Variants in HTT observed in about 807,000 individuals in gnomAD.
The protein encoded by HTT is huntington disease protein.
HTT carries 104 observed loss-of-function variants against 362.3 expected under a neutral mutation model. The ratio of observed to expected loss-of-function variants is 0.29; its 90% CI spans 0.24 to 0.34. The LOEUF (loss-of-function observed/expected upper bound fraction) is 0.34, where lower values mean the gene tolerates loss of function less well. Among genes scored for constraint, HTT ranks in the 10% least tolerant of loss-of-function variants. The pLI is 1.00. For missense variants in HTT, 3,301 were observed against 3,928.6 expected (o/e 0.84, Z 4.27); for synonymous variants, 1,577 against 1,548.7 (o/e 1.02, Z -0.43).
chr4:3,184,298 A>G (rs894172265), intron 37 of HTT, among the ~76,000 whole-genome samples: 3 of 151,946 alleles, frequency 2.0e-5, no homozygotes, highest in African/African-American at 4.8e-5. Flanking sequence ...GGTACAAGCA[A>G]TGAGGGTGGA....
In HTT at chr4:3,116,201, G is replaced by A. The variant is rs2110172510; in HGVS notation, c.1006G>A (p.Gly336Ser). The A allele has an allele frequency of 1.2e-6, 2 of 1,614,126 alleles. No homozygotes were observed. Among genetic ancestry groups the A allele is most frequent in the East Asian group, 2.2e-5 (1 of 44,878 alleles). Residue 336 changes from glycine to serine, a missense_variant, in exon 8 of 67, where the codon GGC (glycine) becomes AGC (serine). Coordinates refer to ENST00000355072, the MANE Select transcript of HTT (RefSeq NM_001388492.1). ...GCAGGTCAAGGACACAAGCCTGAAA[G>A]GCAGCTTCGGAGTGACAAGGAAAGA... ...QQQVKDTSLK[G>S]SFGVTRKEME...
intron 59 of HTT, among the ~76,000 whole-genome samples, chr4:3,229,599 A>C (rs1252521898): frequency 6.7e-6 from 1 of 149,408 alleles, no homozygotes; most frequent in Non-Finnish European, 1.5e-5. Flanking sequence ...CACACCCCAC[A>C]CCACACACAC....
chr4:3,150,698 G>A (rs991601933), intron 26 of HTT, among the ~76,000 whole-genome samples: 1 of 152,180 alleles, frequency 6.6e-6, no homozygotes, highest in African/African-American at 2.4e-5. Context: ...ACATGTACAT[G>A]CACATATACA....
chr4:3,239,954 C>A lies in HTT; in HGVS notation c.9324C>A (p.Asp3108Glu). ...FYRHQIEEEL[D>E]RRAFQSVLEV... ...GACACCAGATAGAGGAGGAGCTCGA[C>A]CGCAGGGCCTTCCAGTCTGTGCTTG... Residue 3108 changes from aspartate (D) to glutamate (E), a missense_variant, in exon 67 of 67, where the codon GAC becomes GAA. Transcript: ENST00000355072. 2 of 1,591,554 alleles carry A rather than the reference C, an allele frequency of 1.3e-6. No individual in the cohort carries two copies. Among genetic ancestry groups the A allele is most frequent in the Admixed American group, 1.8e-5 (1 of 56,790 alleles).
intron 29 of HTT, among the ~76,000 whole-genome samples, chr4:3,164,841 A>G (rs1717621773): frequency 6.6e-6 from 1 of 152,134 alleles, no homozygotes; most frequent in African/African-American, 2.4e-5. Context: ...GGTCTCCTGA[A>G]TACAGCACAC....
chr4:3,187,276 C>T (rs574389201), intron 38 of HTT, among the ~76,000 whole-genome samples: 2 of 152,100 alleles, frequency 1.3e-5, no homozygotes, highest in South Asian at 2.1e-4. Context: ...CTGCCTCAGC[C>T]TCCCGAGTAG....
chr4:3,124,808 A>G (rs577011523), intron 10 of HTT, among the ~76,000 whole-genome samples: 57 of 152,258 alleles, frequency 3.7e-4, no homozygotes, highest in Non-Finnish European at 6.5e-4. Context: ...AAGTTTATGG[A>G]AGTTATCATA....
chr4:3,195,443 G>T (rs1308766492), intron 40 of HTT, among the ~76,000 whole-genome samples: 2 of 151,860 alleles, frequency 1.3e-5, no homozygotes, highest in Admixed American at 6.6e-5. Context: ...CACTGCCATC[G>T]TGGTCTCCGG....
chr4:3,090,285 A>G (rs1382795031), intron 2 of HTT, among the ~76,000 whole-genome samples: 1 of 152,238 alleles, frequency 6.6e-6, no homozygotes, highest in Non-Finnish European at 1.5e-5. Context: ...GTTCCTAAGT[A>G]TGGATGAGCA....
intron 41 of HTT, among the ~76,000 whole-genome samples, chr4:3,201,687 A>G (rs893908141): frequency 8.5e-5 from 13 of 152,290 alleles, no homozygotes; most frequent in Non-Finnish European, 1.6e-4. Context: ...TGGTGGAAGG[A>G]AAAAATAAAT....
chr4:3,126,570 A>T (rs1214094016), intron 11 of HTT, among the ~76,000 whole-genome samples: 2 of 151,720 alleles, frequency 1.3e-5, no homozygotes, highest in Non-Finnish European at 2.9e-5. Flanking sequence ...ATAAAAATAG[A>T]TTTTTTTTTG....
chr4:3,093,037 G>A (rs1045493735), intron 2 of HTT, among the ~76,000 whole-genome samples: 3 of 152,306 alleles, frequency 2.0e-5, no homozygotes, highest in Middle Eastern at 3.4e-3. Context: ...GCAAGGTGGT[G>A]AGAGCCCATA....
At position 3,121,271 on chromosome 4, in the gene HTT, A is replaced by G. The variant is rs1337248057; in HGVS notation, c.1112A>G (p.Asn371Ser). 4 of 1,614,158 alleles carry G rather than the reference A, an allele frequency of 2.5e-6. No homozygotes were observed. The highest frequency in any genetic ancestry group is 3.4e-6 in the Non-Finnish European group (4 of 1,180,010). ...TLHHTQHQDH[N>S]VVTGALELLQ... ...CATCATACACAGCACCAAGACCACA[A>G]TGTTGTGACCGGAGCCCTGGAGCTG... Residue 371 changes from asparagine to serine, a missense_variant, in exon 9 of 67, where the codon AAT becomes AGT. This residue lies in a region of HTT where 2,316 missense variants were observed against 2,658.5 expected (regional missense o/e 0.87). Coordinates refer to ENST00000355072, the MANE Select transcript of HTT (RefSeq NM_001388492.1).
intron 1 of HTT, among the ~76,000 whole-genome samples, chr4:3,085,813 C>G (rs1459927977): frequency 2.0e-5 from 3 of 152,192 alleles, no homozygotes; most frequent in Non-Finnish European, 4.4e-5. Context: ...TCACCCCTCT[C>G]TACTTTATTT....
rs1206083666 is a variant in HTT, at chr4:3,166,834, T to A, written c.3865-5486T>A. 5.3e-5 allele frequency among the ~76,000 whole-genome samples: 8 copies of A among 152,352 alleles called. No homozygotes were observed. In the East Asian group the frequency reaches 1.4e-3, roughly 26 times the overall value. Reference sequence around the variant, plus strand: ...GGCAGGAGTGTACTGCTCCTTCAGGTACAGTCACTCATGGCTTCCTTTGGC... The same window carrying A: ...GGCAGGAGTGTACTGCTCCTTCAGGAACAGTCACTCATGGCTTCCTTTGGC... On this transcript the variant is annotated intron_variant, in intron 29 of 66. Transcript: ENST00000355072.
chr4:3,101,314 G>A (rs914545103), intron 3 of HTT, among the ~76,000 whole-genome samples: 1 of 152,168 alleles, frequency 6.6e-6, no homozygotes, highest in Non-Finnish European at 1.5e-5. Context: ...CTTCCTGGCT[G>A]TCTCCTTGCT....
At chr4:3,137,010 C>G (rs1258093709) in intron 21 of HTT, among the ~76,000 whole-genome samples, 4 of 151,520 alleles carry the variant, frequency 2.6e-5, no homozygotes, top group African/African-American at 9.7e-5. Context: ...CTGGTTCAAG[C>G]GATTCTCCTG....
intron 15 of HTT, 54 bp from the exon 16 acceptor site, chr4:3,131,584 T>G (rs1393106995): frequency 6.2e-7 from 1 of 1,602,312 alleles, no homozygotes; most frequent in African/African-American, 1.3e-5. Flanking sequence ...TTTTGTTCAT[T>G]TGAAAACAAT....
intron 1 of HTT, among the ~76,000 whole-genome samples, chr4:3,082,162 G>A (rs985354946): frequency 3.3e-5 from 5 of 152,138 alleles, no homozygotes; most frequent in Non-Finnish European, 5.9e-5. Flanking sequence ...TTCCATAGCA[G>A]TACCTGTAAT....
Sources: allele counts gnomAD v4.1 joint callset (sites outside exome capture counted in the v4.1 genomes callset), GRCh38; gene constraint gnomAD v4.1.1; regional missense constraint gnomAD v4.1.1; transcripts MANE v1.5; gene names NCBI Gene and HGNC (gene_info 2026-07-23, HGNC 2026-07-21).